Variants in TSC2 observed in about 807,000 individuals in gnomAD.
The protein encoded by TSC2 is TSC complex subunit 2, also known as tuberin.
Under a neutral mutation model 202.2 loss-of-function variants are expected in TSC2, and 29 were observed. The observed-to-expected ratio is 0.14, with a 90% confidence interval of 0.11 to 0.20. TSC2 has a LOEUF of 0.20. Among genes scored for constraint, TSC2 ranks in the 10% least tolerant of loss-of-function variants. The pLI is 1.00. For missense variants in TSC2, 2,429 were observed against 2,420.0 expected, an observed-to-expected ratio of 1.00 and a Z score of -0.08; for synonymous variants, 1,349 against 1,044.0, an observed-to-expected ratio of 1.29 and a Z score of -5.63.
intron 16 of TSC2, among the ~76,000 whole-genome samples, chr16:2,070,101 G>A (rs931454068): frequency 2.8e-5 from 4 of 142,156 alleles, no homozygotes; most frequent in Admixed American, 6.7e-5. Context: ...CTTGCCACAC[G>A]TGTCTGGGAG....
chr16:2,067,938 G>C (rs1001830721), intron 16 of TSC2, among the ~76,000 whole-genome samples: 2 of 152,220 alleles, frequency 1.3e-5, no homozygotes, highest in African/African-American at 4.8e-5. Flanking sequence ...AAGAGGTTCT[G>C]TTGCCCTTAC....
intron 38 of TSC2, 49 bp from the exon 39 acceptor site, chr16:2,087,814 C>T (rs755228024): frequency 2.5e-6 from 4 of 1,600,208 alleles, no homozygotes; most frequent in African/African-American, 2.7e-5. Context: ...CGAGATCAGC[C>T]TTCAGCACAC....
intron 9 of TSC2, among the ~76,000 whole-genome samples, 157 bp from the exon 10 acceptor site, chr16:2,058,590 G>A (rs1478971736): frequency 2.6e-5 from 4 of 152,198 alleles, no homozygotes; most frequent in Non-Finnish European, 4.4e-5. Flanking sequence ...TGTTACTGCT[G>A]GCCTCTGTTC....
intron 11 of TSC2, chr16:2,061,245 T>G (rs1596301031): frequency 3.3e-6 from 1 of 307,250 alleles, no homozygotes; most frequent in Non-Finnish European, 6.4e-6. Flanking sequence ...ATAGGGGCCC[T>G]GGGGAGGCGA....
chr16:2,087,194 C>T (rs1319507779), intron 38 of TSC2: 1 of 438,106 alleles, frequency 2.3e-6, no homozygotes, highest in Admixed American at 3.5e-5. Flanking sequence ...CCAGTGGCAG[C>T]TGTCAGGCTG....
chr16:2,051,955 C>T (rs186821264), intron 3 of TSC2, among the ~76,000 whole-genome samples: 8 of 152,268 alleles, frequency 5.3e-5, no homozygotes, highest in Admixed American at 3.9e-4. Flanking sequence ...ATCCCAGCTA[C>T]TTGGGAGGCT....
intron 17 of TSC2, 53 bp downstream of exon 17, chr16:2,070,631 C>A: frequency 1.9e-6 from 3 of 1,611,620 alleles, no homozygotes; most frequent in Non-Finnish European, 8.5e-7. Flanking sequence ...CCAGGTATCC[C>A]CGTCTCGGCA....
At position 2,055,987 on chromosome 16, in the gene TSC2, C is replaced by T. The variant is rs2085760683; in HGVS notation, c.600-209C>T. ...TTTTTGTTGTTTGTTTAGAATGTTG[C>T]ATGAGCTCTGTCTCACTCATGCTGA... On this transcript the variant is annotated intron_variant, in intron 6 of 41. Transcript: ENST00000219476. 5 of 654,038 alleles carry T rather than the reference C, an allele frequency of 7.6e-6. No homozygotes were observed. The Admixed American group carries it at 1.1e-4, about 14-fold the overall frequency. The allele number at this position is 654,038 out of a possible 1,614,324, so 40.5% of individuals were successfully genotyped here.
chr16:2,055,220 C>T (rs910237085), intron 5 of TSC2, 182 bp from the exon 6 acceptor site: 3 of 680,370 alleles, frequency 4.4e-6, no homozygotes, highest in African/African-American at 1.8e-5. Flanking sequence ...CGTAGCCGGC[C>T]TGCCCTGGGC....
chr16:2,062,071 G>A, intron 12 of TSC2, 63 bp downstream of exon 12: 1 of 1,607,020 alleles, frequency 6.2e-7, no homozygotes, highest in South Asian at 1.1e-5. Context: ...CGGGTGCTGG[G>A]TGAAGTGCAG....
At chr16:2,085,118 T>G in intron 35 of TSC2, 92 bp downstream of exon 35, 1 of 1,602,204 alleles carries the variant, frequency 6.2e-7, no homozygotes, top group Non-Finnish European at 8.5e-7. Context: ...AGCTCAGGCT[T>G]GCAGAGGGCT....
chr16:2,080,769 C>G (rs2090049593), intron 30 of TSC2: 2 of 240,914 alleles, frequency 8.3e-6, no homozygotes, highest in Admixed American at 1.0e-4. Context: ...CAGGCGTGAG[C>G]CACCGCGCCC....
chr16:2,048,061 G>T lies in TSC2; in HGVS notation c.-34G>T. On this transcript the variant is annotated 5_prime_UTR_variant, in exon 1 of 42. Coordinates refer to ENST00000219476, the MANE Select transcript of TSC2 (RefSeq NM_000548.5). ...GCGGCCCGGAGCGCGGTGGCGCGGCGCGGGGTAAGTGGCGGTCCCCACGGG... is the reference window on the plus strand; with the variant it reads ...GCGGCCCGGAGCGCGGTGGCGCGGCTCGGGGTAAGTGGCGGTCCCCACGGG... 2 of 1,424,714 alleles carry T rather than the reference G, an allele frequency of 1.4e-6. No homozygotes were observed. Among genetic ancestry groups the T allele is most frequent in the South Asian group, 1.5e-5 (1 of 65,966 alleles). The allele number at this position is 1,424,714 out of a possible 1,614,324, so 88.3% of individuals were successfully genotyped here. A position where few individuals can be genotyped will look rare whatever the true frequency, so the allele number is the denominator to read the frequency against.
At position 2,072,761 on chromosome 16, in the gene TSC2, C is replaced by A. The variant is rs2088666200; in HGVS notation, c.2221-88C>A. 6 of 1,601,710 alleles carry A rather than the reference C, an allele frequency of 3.7e-6. No homozygotes were observed. The Admixed American group carries it at 5.0e-5, about 13-fold the overall frequency. On this transcript the variant is annotated intron_variant, in intron 20 of 41. Coordinates refer to ENST00000219476, the MANE Select transcript of TSC2 (RefSeq NM_000548.5). ...CAGCCCCTTTGCCCCCTTTCCTGGG[C>A]CTGCGTTCCCAGGGCCTCCCCAGCC...
At chr16:2,074,511 C>G (rs927354921) in intron 22 of TSC2, 122 bp downstream of exon 22, 1 of 1,284,980 alleles carries the variant, frequency 7.8e-7, no homozygotes, top group African/African-American at 1.5e-5. Context: ...CTTCTGCTGC[C>G]TCAGGGCCTG....
At chr16:2,048,552 G>C in intron 1 of TSC2, 35 bp from the exon 2 acceptor site, 1 of 1,612,710 alleles carries the variant, frequency 6.2e-7, no homozygotes, top group Non-Finnish European at 8.5e-7. Context: ...CAGAGGTGTT[G>C]CTCAGATGTC....
In TSC2 at chr16:2,088,881, G is replaced by GCACACA. The variant is rs56279647; in HGVS notation, c.*284_*289dup. 7.2e-4 allele frequency: 303 copies of GCACACA among 421,416 alleles called. 1 individual carries two copies. Among genetic ancestry groups the GCACACA allele is most frequent in the African/African-American group, 3.8e-3 (171 of 44,676 alleles). The allele number at this position is 421,416 out of a possible 1,614,324, so 26.1% of individuals were successfully genotyped here. A position where few individuals can be genotyped will look rare whatever the true frequency, so the allele number is the denominator to read the frequency against. On this transcript the variant is annotated 3_prime_UTR_variant, in exon 42 of 42. Transcript: ENST00000219476. ...ACAGCACACTCGCGCGTGCGCGCGCGCACACACACACACACACAGTCACCT... is the reference window on the plus strand; with the variant it reads ...ACAGCACACTCGCGCGTGCGCGCGCGCACACACACACACACACACACACAGTCACCT...
chr16:2,078,500 T>G (rs1452817560), intron 26 of TSC2: 1 of 199,490 alleles, frequency 5.0e-6, no homozygotes, highest in African/African-American at 2.4e-5. Flanking sequence ...TTCTGTATCA[T>G]GAGCAAAATA....
Position 2,086,987 on chromosome 16 carries a change from C to T in TSC2, c.4989+116C>T, listed in dbSNP as rs569465405. The T allele has an allele frequency of 1.4e-4, 204 of 1,481,222 alleles. 2 individuals are homozygous for T. The highest frequency in any genetic ancestry group is 8.9e-4 in the South Asian group (73 of 82,154). The allele number at this position is 1,481,222 out of a possible 1,614,324, so 91.8% of individuals were successfully genotyped here. ...GGTCACGAGGAGCAGGAGGAGAGGCCGCAGTGCTCAGGGCCCCGTGGGCAC... is the reference window on the plus strand; with the variant it reads ...GGTCACGAGGAGCAGGAGGAGAGGCTGCAGTGCTCAGGGCCCCGTGGGCAC... On this transcript the variant is annotated intron_variant, in intron 38 of 41. Transcript: ENST00000219476.
Sources: gnomAD v4.1 joint callset for allele counts (sites outside exome capture counted in the v4.1 genomes callset) on GRCh38, gnomAD v4.1.1 for gene constraint, MANE v1.5 for transcripts, NCBI Gene and HGNC (gene_info 2026-07-23, HGNC 2026-07-21) for gene names.